The following ADARB2 variants were observed in gnomAD, a reference collection of about 807,000 sequenced individuals.
ADARB2 encodes inactive double-stranded RNA-specific editase B2.
ADARB2 carries 25 observed loss-of-function variants against 62.2 expected under a neutral mutation model. The observed-to-expected ratio is 0.40, with a 90% CI of 0.29 to 0.56. ADARB2 has a LOEUF of 0.56. ADARB2 is among the 20% of genes least tolerant of loss of function. ADARB2 has a pLI of 0.43. For synonymous variants in ADARB2, 572 were observed against 500.8 expected, an observed-to-expected ratio of 1.14 and a Z score of -1.90; for missense variants, 1,071 against 1,077.4, an observed-to-expected ratio of 0.99 and a Z score of 0.08.
rs1334103357 is a variant in ADARB2 at position 1,737,069 on chromosome 10, G to C, written c.82C>G (p.Arg28Gly). 4 of 1,611,654 alleles carry C rather than the reference G, an allele frequency of 2.5e-6. No individual in the cohort carries two copies. The Middle Eastern group carries it at 6.6e-4, about 266-fold the overall frequency. Reference sequence around the variant, plus strand: ...TCCTTACCTTTCCGCTTGGACCTCCGCCTCCTCCTCCTCTTGGACTTGCAT... The same window carrying C: ...TCCTTACCTTTCCGCTTGGACCTCCCCCTCCTCCTCCTCTTGGACTTGCAT... ...LKCKSKRRRR[R>G]RSKRKDKVSI... The change falls in exon 1 of 10, where the codon CGG (arginine) becomes GGG (glycine). Residue 28 changes from arginine (R) to glycine (G), a missense_variant. By Grantham distance (125) the Arg-to-Gly change is moderately radical (BLOSUM62 -2). Transcript: ENST00000381312.
intron 4 of ADARB2, among the ~76,000 whole-genome samples, chr10:1,269,101 C>G (rs1831234964): frequency 2.0e-5 from 3 of 152,026 alleles, no homozygotes; most frequent in South Asian, 4.2e-4. Context: ...GTGCCCCTCC[C>G]CTCCCCTTTC....
At chr10:1,232,583 A>G (rs1414080404) in intron 6 of ADARB2, among the ~76,000 whole-genome samples, 2 of 128,644 alleles carry the variant, frequency 1.6e-5, no homozygotes, top group East Asian at 2.7e-4. Context: ...GGTGTGTGGT[A>G]TGCATGTGGT....
chr10:1,485,073 T>A (rs12767295), intron 1 of ADARB2, among the ~76,000 whole-genome samples: 1 of 151,626 alleles, frequency 6.6e-6, no homozygotes, highest in African/African-American at 2.4e-5. Flanking sequence ...TATGTAGGTA[T>A]GTAGGTGGAT....
intron 1 of ADARB2, among the ~76,000 whole-genome samples, chr10:1,626,049 G>A (rs4350291): frequency 0.075 from 10,587 of 141,866 alleles, 481 homozygotes; most frequent in South Asian, 0.18. Flanking sequence ...ACTGGACCTC[G>A]GACACTAACC....
chr10:1,255,129 G>A lies in ADARB2; in HGVS notation c.1193-12830C>T, dbSNP rs1167560282. The stretch of plus-strand genomic sequence containing the variant: ...GCTCAGCCCCAGTGAGGGAGCAAGC[G>A]GGGCCAATGCTCTGAGCTCCTCATG... On this transcript the variant is annotated intron_variant, in intron 4 of 9. Transcript: ENST00000381312. This position sits in a 1 kb window ranked among gnomAD's most constrained non-coding sequence, Gnocchi z 4.7. Among the ~76,000 whole-genome samples, 2 of 152,226 alleles carry A rather than the reference G, an allele frequency of 1.3e-5. No homozygotes were observed. Among genetic ancestry groups the A allele is most frequent in the African/African-American group, 2.4e-5 (1 of 41,458 alleles).
intron 1 of ADARB2, among the ~76,000 whole-genome samples, chr10:1,515,590 G>A (rs1831998657): frequency 1.3e-5 from 2 of 152,208 alleles, no homozygotes; most frequent in South Asian, 4.1e-4. Flanking sequence ...CCAGGCCCCA[G>A]AGTGACCCCG....
At chr10:1,351,390 G>A (rs568377219) in intron 3 of ADARB2, among the ~76,000 whole-genome samples, 443 of 151,528 alleles carry the variant, frequency 2.9e-3, no homozygotes, top group East Asian at 9.6e-3. Context: ...ACTGTTGTAG[G>A]TATTGACGGC....
intron 3 of ADARB2, among the ~76,000 whole-genome samples, chr10:1,332,479 T>TG: frequency 7.0e-6 from 1 of 143,848 alleles, no homozygotes; most frequent in Admixed American, 6.8e-5. Flanking sequence ...AGCATCAGTT[T>TG]TGTTTTTTTT....
chr10:1,691,300 A>G (rs1314752318), intron 1 of ADARB2, among the ~76,000 whole-genome samples: 3 of 152,018 alleles, frequency 2.0e-5, no homozygotes, highest in African/African-American at 4.8e-5. Flanking sequence ...TGACATTTTG[A>G]CCTTGGACTT....
intron 4 of ADARB2, among the ~76,000 whole-genome samples, chr10:1,259,126 A>C (rs1338918376): frequency 6.6e-6 from 1 of 152,230 alleles, no homozygotes; most frequent in Non-Finnish European, 1.5e-5. Flanking sequence ...AACATACCAG[A>C]ATCTCTGGGA....
At chr10:1,201,008 A>G (rs1174936945) in intron 7 of ADARB2, among the ~76,000 whole-genome samples, 1 of 152,246 alleles carries the variant, frequency 6.6e-6, no homozygotes, top group East Asian at 1.9e-4. Flanking sequence ...TTCCCGAAGC[A>G]GTCAATTAAC....
intron 1 of ADARB2, among the ~76,000 whole-genome samples, chr10:1,624,008 C>T (rs990743266): frequency 2.6e-5 from 4 of 151,984 alleles, no homozygotes; most frequent in African/African-American, 4.8e-5. Flanking sequence ...TGAGGCGGAT[C>T]GATCACTTAA....
At chr10:1,463,009 G>C (rs1309776486) in intron 1 of ADARB2, among the ~76,000 whole-genome samples, 1 of 151,960 alleles carries the variant, frequency 6.6e-6, no homozygotes, top group Non-Finnish European at 1.5e-5. Flanking sequence ...TACGTTTCTG[G>C]GGTTGGGTGG....
intron 7 of ADARB2, among the ~76,000 whole-genome samples, chr10:1,207,389 TAAA>T (rs1837082947): frequency 6.6e-6 from 1 of 152,176 alleles, no homozygotes; most frequent in Non-Finnish European, 1.5e-5. Context: ...AAAATATTTT[TAAA>T]CCAGACTGGG....
chr10:1,689,887 T>C (rs1050457478), intron 1 of ADARB2, among the ~76,000 whole-genome samples: 1 of 152,262 alleles, frequency 6.6e-6, no homozygotes, highest in Non-Finnish European at 1.5e-5. Flanking sequence ...TAGGGGTCTC[T>C]ATTTTCATCT....
chr10:1,479,910 C>T (rs1015176559), intron 1 of ADARB2, among the ~76,000 whole-genome samples: 8 of 152,040 alleles, frequency 5.3e-5, no homozygotes, highest in South Asian at 4.1e-4. Flanking sequence ...CCTCCATAGA[C>T]GTGCTTTACT....
At chr10:1,451,085 C>G (rs1052104751) in intron 1 of ADARB2, among the ~76,000 whole-genome samples, 7 of 152,366 alleles carry the variant, frequency 4.6e-5, no homozygotes, top group African/African-American at 1.7e-4. Flanking sequence ...GTCCTCATAG[C>G]CTGGGGACTC....
At chr10:1,437,255 C>CACACACACATATAT (rs142382073) in intron 1 of ADARB2, among the ~76,000 whole-genome samples, 19 of 151,766 alleles carry the variant, frequency 1.3e-4, no homozygotes, top group Admixed American at 2.0e-4. Context: ...TATATATACA[C>CACACACACATATAT]ACACACACAC....
intron 1 of ADARB2, among the ~76,000 whole-genome samples, chr10:1,404,857 C>T (rs993639463): frequency 4.6e-5 from 7 of 152,180 alleles, no homozygotes; most frequent in African/African-American, 1.4e-4. Flanking sequence ...CCCATCCCAG[C>T]GAGACTTGGG....
Sources: gnomAD v4.1 joint callset for allele counts (sites outside exome capture counted in the v4.1 genomes callset) on GRCh38, gnomAD v4.1.1 for gene constraint, Gnocchi (gnomAD v3.1) non-coding constraint, MANE v1.5 for transcripts, NCBI Gene and HGNC (gene_info 2026-07-23, HGNC 2026-07-21) for gene names.